DFFB: variants seen among roughly 807,000 people sequenced by gnomAD.
DFFB encodes the protein DNA fragmentation factor subunit beta.
Under a neutral mutation model 32.7 loss-of-function variants are expected in DFFB, and 29 were observed. The observed-to-expected ratio is 0.89, with a 90% confidence interval of 0.66 to 1.21. The LOEUF is 1.21. Among genes scored for constraint, DFFB ranks in the 50% most tolerant of loss-of-function variants. The pLI, the probability that DFFB is intolerant of heterozygous loss-of-function variation, is 0.00. For synonymous variants in DFFB, 170 were observed against 177.1 expected (o/e 0.96, Z 0.32); for missense variants, 398 against 440.6 (o/e 0.90, Z 0.87).
At chr1:3,863,077 A>C (rs1413320837) in intron 2 of DFFB, among the ~76,000 whole-genome samples, 2 of 152,196 alleles carry the variant, frequency 1.3e-5, no homozygotes, top group Non-Finnish European at 2.9e-5. Context: ...TGAACCGGGG[A>C]GGTGGAGGCT....
At chr1:3,864,829 G>A (rs571508588) in intron 2 of DFFB, among the ~76,000 whole-genome samples, 1 of 152,162 alleles carries the variant, frequency 6.6e-6, no homozygotes, top group East Asian at 1.9e-4. Flanking sequence ...GATTACAGGC[G>A]TGAGCCACCG....
rs191694797 is a variant in DFFB at position 3,865,781 on chromosome 1, C to T, written c.242-31C>T. The T allele has an allele frequency of 1.4e-5, 23 of 1,613,908 alleles. No individual in the cohort carries two copies. The highest frequency in any genetic ancestry group is 8.3e-5 in the Admixed American group (5 of 59,982). The stretch of plus-strand genomic sequence containing the variant: ...GGGCAGGATGTGTCTTCTGCTGGAC[C>T]GGCACCTTTTGTTTGTCCCATTGGT... On this transcript the variant is annotated intron_variant, in intron 2 of 6. Coordinates refer to ENST00000378209, the MANE Select transcript of DFFB (RefSeq NM_004402.4). The surrounding 1 kb of genome is among the most constrained non-coding windows in gnomAD (Gnocchi z 4.7).
chr1:3,865,423 T>C lies in DFFB; in HGVS notation c.242-389T>C, dbSNP rs1644956801. On this transcript the variant is annotated intron_variant, in intron 2 of 6. Transcript: ENST00000378209. This position sits in a 1 kb window ranked among gnomAD's most constrained non-coding sequence, Gnocchi z 4.7. The stretch of plus-strand genomic sequence containing the variant: ...AGCCTGCCCGGAGAGCTCGCTGCTT[T>C]AGGGAGTTGTGAAAAGGCTCCAGGA... Among the ~76,000 whole-genome samples, 1 of 152,124 alleles carries C rather than the reference T, an allele frequency of 6.6e-6. No individual in the cohort carries two copies. The highest frequency in any genetic ancestry group is 6.5e-5 in the Admixed American group (1 of 15,274).
chr1:3,871,429 G>A (rs1266938199), intron 5 of DFFB, among the ~76,000 whole-genome samples: 1 of 152,198 alleles, frequency 6.6e-6, no homozygotes, highest in African/African-American at 2.4e-5. Flanking sequence ...TGGGATTACA[G>A]GCGCCCGCCA....
At chr1:3,860,793 G>T (rs961916835) in intron 2 of DFFB, among the ~76,000 whole-genome samples, 1 of 151,948 alleles carries the variant, frequency 6.6e-6, no homozygotes, top group Non-Finnish European at 1.5e-5. Context: ...GCCTACCCCT[G>T]CCCACCAGCA....
chr1:3,873,982 T>C (rs897090654), intron 6 of DFFB, among the ~76,000 whole-genome samples: 1 of 152,108 alleles, frequency 6.6e-6, no homozygotes, highest in African/African-American at 2.4e-5. Flanking sequence ...CTGTCCATAC[T>C]CAGCCTCTAC....
intron 1 of DFFB, among the ~76,000 whole-genome samples, 161 bp from the exon 2 acceptor site, chr1:3,858,557 C>A (rs1166629103): frequency 6.6e-6 from 1 of 152,254 alleles, no homozygotes. Flanking sequence ...TGCTCCCGCT[C>A]CCTCATCCTT....
intron 5 of DFFB, among the ~76,000 whole-genome samples, chr1:3,871,068 G>A (rs1298984555): frequency 2.0e-5 from 3 of 152,202 alleles, no homozygotes; most frequent in African/African-American, 7.2e-5. Context: ...GGCAATGGCT[G>A]GAAAGGGAGC....
intron 3 of DFFB, 23 bp downstream of exon 3, chr1:3,866,023 A>G (rs757083936): frequency 2.6e-6 from 4 of 1,520,954 alleles, no homozygotes. Context: ...TGCAGCTGGC[A>G]GGGGAGAGGC....
intron 6 of DFFB, 58 bp downstream of exon 6, chr1:3,872,630 G>GCAGCCC (rs70940336): frequency 1.4e-6 from 2 of 1,444,088 alleles, no homozygotes; most frequent in African/African-American, 2.8e-5. Flanking sequence ...TGTCCCTGCC[G>GCAGCCC]TGGCCCTGTC....
chr1:3,865,521 T>C lies in DFFB; in HGVS notation c.242-291T>C. The C allele has an allele frequency of 1.8e-6, 1 of 541,940 alleles. No homozygotes were observed. The highest frequency in any genetic ancestry group is 2.0e-5 in the South Asian group (1 of 49,084). 33.6% of individuals were successfully genotyped at this position (541,940 alleles called of 1,614,324 possible). A position where few individuals can be genotyped will look rare whatever the true frequency, so the allele number is the denominator to read the frequency against. Reference sequence around the variant, plus strand: ...AAGGGCCAAAGTGGGGGGCGTATGGTTTGGAGGGGAGGAGGCCAAATGGGA... The same window carrying C: ...AAGGGCCAAAGTGGGGGGCGTATGGCTTGGAGGGGAGGAGGCCAAATGGGA... On this transcript the variant is annotated intron_variant, in intron 2 of 6. Transcript: ENST00000378209. The surrounding 1 kb of genome is among the most constrained non-coding windows in gnomAD (Gnocchi z 4.7).
chr1:3,864,751 G>A (rs941315682), intron 2 of DFFB, among the ~76,000 whole-genome samples: 19 of 151,590 alleles, frequency 1.3e-4, no homozygotes, highest in Non-Finnish European at 2.4e-4. Flanking sequence ...ATGGGGTCTT[G>A]GTTGCCAGGT....
rs1239228352 is a variant in DFFB at position 3,879,517 on chromosome 1, GA to G, written c.783-3986del. ...TAATCCACTAGGACTGGTGTCCTTA[GA>G]AAATGGGAAAGGAGCTCACTCTCCC... On this transcript the variant is annotated intron_variant, in intron 6 of 6. Transcript: ENST00000378209. Among the ~76,000 whole-genome samples the G allele has an allele frequency of 5.9e-5, 9 of 152,304 alleles. No homozygotes were observed. In the East Asian group the frequency reaches 1.7e-3, roughly 29 times the overall value.
chr1:3,858,744 C>T lies in DFFB; in HGVS notation c.141C>T (p.Cys47=). The T allele has an allele frequency of 3.7e-6, 6 of 1,614,104 alleles. No homozygotes were observed. The highest frequency in any genetic ancestry group is 3.4e-6 in the Non-Finnish European group (4 of 1,180,040). Reference sequence around the variant, plus strand: ...TCCCTGAGCGCGGTTCCCGGCTGTGCCTGTACGAGGATGGCACGGAGCTGA... The same window carrying T: ...TCCCTGAGCGCGGTTCCCGGCTGTGTCTGTACGAGGATGGCACGGAGCTGA... The part of the protein sequence containing the change: ...FQLPERGSRL[C]LYEDGTELTE... The change falls in exon 2 of 7, where the codon TGC becomes TGT. Residue 47 remains cysteine (C), a synonymous_variant. Transcript: ENST00000378209.
At chr1:3,874,189 G>T (rs1054558459) in intron 6 of DFFB, among the ~76,000 whole-genome samples, 2 of 148,616 alleles carry the variant, frequency 1.3e-5, no homozygotes, top group African/African-American at 5.1e-5. Flanking sequence ...CCACGCTGTG[G>T]TCTGCAGAGC....
chr1:3,860,496 TG>T (rs1644860253), intron 2 of DFFB: 1 of 438,520 alleles, frequency 2.3e-6, no homozygotes, highest in African/African-American at 2.0e-5. Context: ...CCTAAAGTGC[TG>T]GGATTACAGG....
At chr1:3,878,681 C>T (rs993106910) in intron 6 of DFFB, among the ~76,000 whole-genome samples, 2 of 152,226 alleles carry the variant, frequency 1.3e-5, no homozygotes, top group South Asian at 4.1e-4. Flanking sequence ...GACGGCACTG[C>T]TGCTGTCCCC....
chr1:3,872,675 C>A, intron 6 of DFFB, 103 bp downstream of exon 6: 1 of 1,031,010 alleles, frequency 9.7e-7, no homozygotes, highest in Non-Finnish European at 1.5e-6. Flanking sequence ...CGGCCCTGTC[C>A]CTGCCACGGT....
In DFFB at chr1:3,858,730, G is replaced by C. The variant is rs370680894; in HGVS notation, c.127G>C (p.Gly43Arg). The C allele has an allele frequency of 2.5e-6, 4 of 1,614,046 alleles. No individual in the cohort carries two copies. The highest frequency in any genetic ancestry group is 3.4e-6 in the Non-Finnish European group (4 of 1,180,026). Reference protein sequence around the residue: ...GCLRFQLPERGSRLCLYEDGT... With the variant: ...GCLRFQLPERRSRLCLYEDGT... The stretch of plus-strand genomic sequence containing the variant: ...CCCGTCCCTGCAGCTCCCTGAGCGC[G>C]GTTCCCGGCTGTGCCTGTACGAGGA... Residue 43 changes from glycine (G) to arginine (R), a missense_variant, in exon 2 of 7, where the codon GGT becomes CGT. Coordinates refer to ENST00000378209, the MANE Select transcript of DFFB (RefSeq NM_004402.4).
Sources: allele counts gnomAD v4.1 joint callset (sites outside exome capture counted in the v4.1 genomes callset), GRCh38; gene constraint gnomAD v4.1.1; non-coding constraint Gnocchi (gnomAD v3.1); transcripts MANE v1.5; gene names NCBI Gene and HGNC (gene_info 2026-07-23, HGNC 2026-07-21).